KIF21B: variants seen among roughly 807,000 people sequenced by gnomAD.
KIF21B encodes kinesin family member 21B.
A neutral mutation model predicts 192.9 loss-of-function variants in KIF21B; 85 were observed. The observed-to-expected ratio is 0.44, with a 90% CI of 0.37 to 0.53. The LOEUF is 0.53. Among genes scored for constraint, KIF21B ranks in the 20% least tolerant of loss-of-function variants. KIF21B has a pLI of 0.00. For synonymous variants in KIF21B, 832 were observed against 884.6 expected, an observed-to-expected ratio of 0.94 and a Z score of 1.05; for missense variants, 1,716 against 2,194.8, an observed-to-expected ratio of 0.78 and a Z score of 4.36.
In KIF21B at chr1:200,982,179, G is replaced by A. The variant is rs72749142; in HGVS notation, c.3842+877C>T. ...GCTCCCCAAGCTGCTCCAGCACCCT[G>A]CTTCTGACAATGGTTTGGCTTCACT... On this transcript the variant is annotated intron_variant, in intron 28 of 34. Transcript: ENST00000461742. The surrounding 1 kb of genome is among the most constrained non-coding windows in gnomAD (Gnocchi z 4.7). Among the ~76,000 whole-genome samples the A allele has an allele frequency of 0.1, 15,946 of 152,174 alleles. 1,180 individuals are homozygous for A. Among genetic ancestry groups the A allele is most frequent in the Non-Finnish European group, 0.16 (11,019 of 67,978 alleles).
chr1:200,988,825 A>G lies in KIF21B; in HGVS notation c.3239T>C (p.Leu1080Pro). Residue 1080 changes from leucine to proline, a missense_variant, in exon 22 of 35, where the codon CTG becomes CCG. Physicochemically the swap from Leu to Pro is moderately conservative, Grantham distance 98. This residue lies in a region of KIF21B where 580 missense variants were observed against 775.5 expected (regional missense o/e 0.75). Coordinates refer to ENST00000461742, the MANE Select transcript of KIF21B (RefSeq NM_001252102.2). ...SSQNHLLLDALREKAEAHPEL... is the reference protein window; with the variant it reads ...SSQNHLLLDAPREKAEAHPEL... ...GGGGTGAGCTTCAGCCTTCTCACGC[A>G]GGGCGTCCAGGAGCAGATGGTTCTG... 4 of 1,613,684 alleles carry G rather than the reference A, an allele frequency of 2.5e-6. No individual in the cohort carries two copies. Among genetic ancestry groups the G allele is most frequent in the Non-Finnish European group, 3.4e-6 (4 of 1,179,844 alleles).
At chr1:200,992,442 CACACT>C in intron 15 of KIF21B, 53 bp from the exon 16 acceptor site, 1 of 1,581,018 alleles carries the variant, frequency 6.3e-7, no homozygotes, top group Non-Finnish European at 8.6e-7. Context: ...GCAGGTGGCC[CACACT>C]CTCCAGGGAG....
In KIF21B at chr1:201,003,601, C is replaced by T; in HGVS notation, c.1197G>A (p.Leu399=). The T allele has an allele frequency of 1.2e-6, 2 of 1,613,954 alleles. No individual in the cohort carries two copies. The highest frequency in any genetic ancestry group is 1.7e-6 in the Non-Finnish European group (2 of 1,180,042). ...RAEIARLQME[L]MEYKAGKRVI... ...GCATGCTCACCGCCTTATACTCCAT[C>T]AGCTCCATCTGCAGCCGAGCAATCT... is the stretch of plus-strand genomic sequence containing the variant. Residue 399 remains leucine, a synonymous_variant, in exon 8 of 35, where the codon CTG becomes CTA. Transcript: ENST00000461742.
At position 200,992,526 on chromosome 1, in the gene KIF21B, T is replaced by G. The variant is rs189558271; in HGVS notation, c.2278-137A>C. ...GCAACACTGGCTCAGGGCCTGGGGG[T>G]CTGAAGTGAGGGGTTCTACCTCCCA... On this transcript the variant is annotated intron_variant, in intron 15 of 34. Transcript: ENST00000461742. 8.0e-6 allele frequency: 7 copies of G among 878,144 alleles called. No individual in the cohort carries two copies. In the East Asian group the frequency reaches 1.6e-4, roughly 19 times the overall value. 54.4% of individuals were successfully genotyped at this position (878,144 alleles called of 1,614,324 possible). A position where few individuals can be genotyped will look rare whatever the true frequency, so the allele number is the denominator to read the frequency against.
intron 1 of KIF21B, among the ~76,000 whole-genome samples, chr1:201,022,967 CCT>C (rs1395387033): frequency 4.6e-5 from 7 of 152,234 alleles, no homozygotes; most frequent in African/African-American, 1.7e-4. Flanking sequence ...GGGAAATTTC[CCT>C]CTCTGGTATC....
rs748169055 is a variant in KIF21B at position 200,987,214 on chromosome 1, G to A, written c.3409-13C>T. On this transcript the variant is annotated splice_polypyrimidine_tract_variant and intron_variant, in intron 24 of 34. Coordinates refer to ENST00000461742, the MANE Select transcript of KIF21B (RefSeq NM_001252102.2). ...GTTTGGGCTCGCTCTGGGAAAAGAA[G>A]AACAGGGTGGATCAACTTGCCCAAA... 2 of 1,604,410 alleles carry A rather than the reference G, an allele frequency of 1.2e-6. No individual in the cohort carries two copies. The highest frequency in any genetic ancestry group is 1.1e-5 in the South Asian group (1 of 90,694).
In KIF21B at chr1:201,002,405, G is replaced by T; in HGVS notation, c.1213-55C>A. The T allele has an allele frequency of 2.6e-6, 4 of 1,527,650 alleles. No individual in the cohort carries two copies. In the Admixed American group the frequency reaches 6.7e-5, roughly 26 times the overall value. 94.6% of individuals were successfully genotyped at this position (1,527,650 alleles called of 1,614,324 possible). ...GGCAGCAGAGCTCGCGGTTGGGGGGGTAAGGGGCTGATGATGCCCCTCCCT... is the reference window on the plus strand; with the variant it reads ...GGCAGCAGAGCTCGCGGTTGGGGGGTTAAGGGGCTGATGATGCCCCTCCCT... On this transcript the variant is annotated intron_variant, in intron 8 of 34. Coordinates refer to ENST00000461742, the MANE Select transcript of KIF21B (RefSeq NM_001252102.2).
rs369123866 is a variant in KIF21B at position 200,988,753 on chromosome 1, C to T, written c.3298+13G>A. On this transcript the variant is annotated intron_variant, in intron 22 of 34. Coordinates refer to ENST00000461742, the MANE Select transcript of KIF21B (RefSeq NM_001252102.2). Reference sequence around the variant, plus strand: ...CCAAGGAGCTGGCAGCTTCCAACCGCCCCTACCCGTACCCTGCTGCACATT... The same window carrying T: ...CCAAGGAGCTGGCAGCTTCCAACCGTCCCTACCCGTACCCTGCTGCACATT... 17 of 1,602,644 alleles carry T rather than the reference C, an allele frequency of 1.1e-5. No homozygotes were observed. In the African/African-American group the frequency reaches 2.0e-4, roughly 19 times the overall value.
chr1:200,972,998 G>A lies in KIF21B; in HGVS notation c.*523C>T, dbSNP rs2102362495. On this transcript the variant is annotated 3_prime_UTR_variant, in exon 35 of 35. Transcript: ENST00000461742. The stretch of plus-strand genomic sequence containing the variant: ...TTGGGGCTATCTGCGGGTTGCCAGA[G>A]GGTTAAGGGTTAGCTGCAAGGCCCA... 6.5e-6 allele frequency: 1 copy of A among 153,664 alleles called. No homozygotes were observed. The highest frequency in any genetic ancestry group is 1.9e-4 in the East Asian group (1 of 5,230). 9.5% of individuals were successfully genotyped at this position (153,664 alleles called of 1,614,324 possible). A position where few individuals can be genotyped will look rare whatever the true frequency, so the allele number is the denominator to read the frequency against.
At chr1:200,988,706 T>G in intron 22 of KIF21B, 60 bp downstream of exon 22, 4 of 1,561,450 alleles carry the variant, frequency 2.6e-6, no homozygotes, top group Non-Finnish European at 2.6e-6. Flanking sequence ...TGTGGGGGTC[T>G]GAGCCCAAGA....
chr1:201,002,874 G>C (rs186643512), intron 8 of KIF21B: 2 of 156,678 alleles, frequency 1.3e-5, no homozygotes, highest in African/African-American at 2.4e-5. Context: ...TGACAACTAC[G>C]TTGTATTCTT....
chr1:200,976,549 T>C (rs774437435), intron 32 of KIF21B, among the ~76,000 whole-genome samples: 3 of 152,264 alleles, frequency 2.0e-5, no homozygotes, highest in Non-Finnish European at 4.4e-5. Flanking sequence ...ATTTGATTGT[T>C]ATTCTACCCT....
In KIF21B at chr1:201,000,615, A is replaced by G. The variant is rs16847518; in HGVS notation, c.1467-7T>C. On this transcript the variant is annotated splice_polypyrimidine_tract_variant and splice_region_variant and intron_variant, in intron 10 of 34. Transcript: ENST00000461742. The surrounding 1 kb of genome is among the most constrained non-coding windows in gnomAD (Gnocchi z 6.0). ...ACTCTCTAGAAGCTTAGTCCTGCAC[A>G]GGAAGAACGAGTGGACGGGGCCGAG... 4.3e-3 allele frequency: 6,993 copies of G among 1,613,432 alleles called. 252 individuals are homozygous for G. The African/African-American group carries it at 0.082, about 19-fold the overall frequency.
intron 26 of KIF21B, among the ~76,000 whole-genome samples, chr1:200,986,263 A>G (rs1013757161): frequency 6.6e-6 from 1 of 152,160 alleles, no homozygotes; most frequent in African/African-American, 2.4e-5. Context: ...GCCACTACAA[A>G]GCCACTTGTG....
chr1:200,988,284 G>A lies in KIF21B; in HGVS notation c.3408+12C>T, dbSNP rs76094226. 0.015 allele frequency: 24,573 copies of A among 1,613,110 alleles called. 212 individuals are homozygous for A. Among genetic ancestry groups the A allele is most frequent in the Non-Finnish European group, 0.019 (22,089 of 1,179,656 alleles). On this transcript the variant is annotated intron_variant, in intron 24 of 34. Transcript: ENST00000461742. ...CTGCTGCACCCACTGCCTGACTTCC[G>A]GCGGGGCTCACCTTGAACTTGAAAT...
rs1195343081 is a variant in KIF21B at position 201,007,355 on chromosome 1, G to GAC, written c.447+1412_447+1413dup. ...ACACACACAGACACAGAGACACATA[G>GAC]ACACACACACACACACAGAGACAGA... On this transcript the variant is annotated intron_variant, in intron 3 of 34. Transcript: ENST00000461742. Among the ~76,000 whole-genome samples the GAC allele has an allele frequency of 1.6e-3, 85 of 52,280 alleles. 12 individuals are homozygous for GAC. The highest frequency in any genetic ancestry group is 2.2e-3 in the African/African-American group (19 of 8,554). The allele number at this position is 52,280 out of a possible 152,430, so 34.3% of individuals were successfully genotyped here. A position where few individuals can be genotyped will look rare whatever the true frequency, so the allele number is the denominator to read the frequency against.
chr1:201,004,363 G>A lies in KIF21B; in HGVS notation c.993C>T (p.Leu331=), dbSNP rs973002059. The change falls in exon 7 of 35, where the codon CTC becomes CTT. Residue 331 remains leucine (L), a synonymous_variant. Transcript: ENST00000461742. The part of the protein sequence containing the change: ...PYRDSKLTRL[L]QDSLGGNSQT... ...ACCTGTTGCCCCCCAGCGAATCCTG[G>A]AGGAGCCGAGTGAGCTTGGAGTCCC... 6.4e-7 allele frequency: 1 copy of A among 1,572,476 alleles called. No homozygotes were observed. Among genetic ancestry groups the A allele is most frequent in the South Asian group, 1.2e-5 (1 of 85,520 alleles).
At chr1:200,988,193 T>G in intron 24 of KIF21B, 103 bp downstream of exon 24, 10 of 1,148,718 alleles carry the variant, frequency 8.7e-6, no homozygotes, top group African/African-American at 1.5e-5. Context: ...GGGGACAACA[T>G]TGTGTTGTGG....
At position 201,009,496 on chromosome 1, in the gene KIF21B, T is replaced by C; in HGVS notation, c.42-8A>G. The C allele has an allele frequency of 1.9e-6, 3 of 1,612,636 alleles. No individual in the cohort carries two copies. The highest frequency in any genetic ancestry group is 2.5e-6 in the Non-Finnish European group (3 of 1,179,276). ...GACAGCTGGGGCCGGATCCTGCCCA[T>C]GATGGAGAGAGCCCTGGGTCAGGCC... On this transcript the variant is annotated splice_polypyrimidine_tract_variant and splice_region_variant and intron_variant, in intron 1 of 34. Coordinates refer to ENST00000461742, the MANE Select transcript of KIF21B (RefSeq NM_001252102.2).
Sources: allele counts gnomAD v4.1 joint callset (sites outside exome capture counted in the v4.1 genomes callset), GRCh38; gene constraint gnomAD v4.1.1; regional missense constraint gnomAD v4.1.1; non-coding constraint Gnocchi (gnomAD v3.1); transcripts MANE v1.5; gene names NCBI Gene and HGNC (gene_info 2026-07-23, HGNC 2026-07-21).